The following CNTNAP3 variants were observed in gnomAD, a reference collection of about 807,000 sequenced individuals.
CNTNAP3 encodes the protein contactin associated protein family member 3, also known as contactin-associated protein-like 3.
Under a neutral mutation model 92.1 loss-of-function variants are expected in CNTNAP3, and 36 were observed. The ratio of observed to expected loss-of-function variants is 0.39; its 90% confidence interval spans 0.30 to 0.52. CNTNAP3 has a LOEUF of 0.52. Among genes scored for constraint, CNTNAP3 ranks in the 20% least tolerant of loss-of-function variants. The pLI, the probability that CNTNAP3 is intolerant of heterozygous loss-of-function variation, is 0.76. For synonymous variants in CNTNAP3, 232 were observed against 422.3 expected (o/e 0.55, Z 5.53); for missense variants, 534 against 1,069.6 (o/e 0.50, Z 6.98).
intron 14 of CNTNAP3, among the ~76,000 whole-genome samples, chr9:39,112,552 G>C (rs1820732840): frequency 6.6e-6 from 1 of 152,076 alleles, no homozygotes; most frequent in Admixed American, 6.6e-5. Context: ...TTTTAGTATA[G>C]ACGGGGTTTC....
chr9:39,107,860 G>T (rs568909960), intron 15 of CNTNAP3, among the ~76,000 whole-genome samples: 2 of 151,962 alleles, frequency 1.3e-5, no homozygotes, highest in African/African-American at 4.8e-5. Flanking sequence ...AGAATATTTC[G>T]GTCAAAATAA....
intron 12 of CNTNAP3, among the ~76,000 whole-genome samples, chr9:39,138,602 TGAG>T (rs1387085312): frequency 6.6e-6 from 1 of 152,186 alleles, no homozygotes; most frequent in Non-Finnish European, 1.5e-5. Flanking sequence ...TCTGGAAGCA[TGAG>T]GAGATTTTTC....
intron 2 of CNTNAP3, among the ~76,000 whole-genome samples, chr9:39,249,264 TTAC>T (rs897347058): frequency 2.7e-5 from 1 of 37,634 alleles, no homozygotes; most frequent in African/African-American, 4.7e-5. Context: ...AATCAGATCG[TTAC>T]TACTACATAA....
intron 19 of CNTNAP3, 58 bp downstream of exon 19, chr9:39,088,365 T>C (rs1238558912): frequency 7.9e-7 from 1 of 1,262,196 alleles, no homozygotes; most frequent in African/African-American, 1.5e-5. Context: ...ACCCATGTCA[T>C]TACAGTCCTA....
rs1408840276 is a variant in CNTNAP3, at chr9:39,065,332, A to C, written c.*8558T>G. On this transcript the variant is annotated 3_prime_UTR_variant, in exon 24 of 24. Transcript: ENST00000297668. ...AGTTTTGTCCATTTTATAGCTGAAG[A>C]GTATTTCATTATTAATACAACACAA... is the stretch of plus-strand genomic sequence containing the variant. 5.9e-5 allele frequency among the ~76,000 whole-genome samples: 9 copies of C among 152,278 alleles called. No homozygotes were observed.
At chr9:39,118,773 G>C (rs1394399492) in intron 13 of CNTNAP3, among the ~76,000 whole-genome samples, 2 of 152,192 alleles carry the variant, frequency 1.3e-5, no homozygotes, top group Non-Finnish European at 2.9e-5. Flanking sequence ...TATTGCATTG[G>C]ATGTCCTGAC....
chr9:39,144,095 T>C, intron 11 of CNTNAP3, 145 bp downstream of exon 11: 1 of 1,409,754 alleles, frequency 7.1e-7, no homozygotes, highest in Non-Finnish European at 9.4e-7. Context: ...ATAAGGTGGA[T>C]TAAAAGTAAA....
At position 39,118,106 on chromosome 9, in the gene CNTNAP3, T is replaced by G. The variant is rs552251057; in HGVS notation, c.2234A>C (p.Glu745Ala). ...YYCNCDAGRN[E>A]WTSDTIVLSQ... ...AGGGAAATCATGTGGAAATCACCATTCATTCCGGCCAGCATCACAGTTGCA... is the reference window on the plus strand; with the variant it reads ...AGGGAAATCATGTGGAAATCACCATGCATTCCGGCCAGCATCACAGTTGCA... Residue 745 changes from glutamate (E) to alanine (A), a missense_variant, in exon 14 of 24, where the codon GAA becomes GCA. Glu to Ala is a moderately radical substitution (Grantham distance 107, BLOSUM62 -1). Coordinates refer to ENST00000297668, the MANE Select transcript of CNTNAP3 (RefSeq NM_033655.5). 22 of 1,604,858 alleles carry G rather than the reference T, an allele frequency of 1.4e-5. No individual in the cohort carries two copies. The African/African-American group carries it at 2.9e-4, about 21-fold the overall frequency.
At chr9:39,133,899 G>A (rs1563888477) in intron 12 of CNTNAP3, among the ~76,000 whole-genome samples, 1 of 152,064 alleles carries the variant, frequency 6.6e-6, no homozygotes, top group South Asian at 2.1e-4. Context: ...GGTGCTGTCT[G>A]GTCCTTTAAC....
At position 39,069,146 on chromosome 9, in the gene CNTNAP3, A is replaced by T. The variant is rs1483253779; in HGVS notation, c.*4744T>A. On this transcript the variant is annotated 3_prime_UTR_variant, in exon 24 of 24. Transcript: ENST00000297668. ...AGATGAACATTGTAGATTGGAGCATATTATGGGAGCAAGGCAACCTGTAGA... is the reference window on the plus strand; with the variant it reads ...AGATGAACATTGTAGATTGGAGCATTTTATGGGAGCAAGGCAACCTGTAGA... 1.3e-5 allele frequency among the ~76,000 whole-genome samples: 2 copies of T among 151,880 alleles called. No homozygotes were observed. Among genetic ancestry groups the T allele is most frequent in the Non-Finnish European group, 2.9e-5 (2 of 68,036 alleles).
intron 13 of CNTNAP3, among the ~76,000 whole-genome samples, chr9:39,118,546 T>A (rs1021046048): frequency 6.6e-6 from 1 of 152,090 alleles, no homozygotes; most frequent in Non-Finnish European, 1.5e-5. Flanking sequence ...GAAATAACAT[T>A]CAAAAAAATT....
intron 14 of CNTNAP3, among the ~76,000 whole-genome samples, chr9:39,117,241 C>T (rs1820880886): frequency 6.6e-6 from 1 of 152,074 alleles, no homozygotes; most frequent in Non-Finnish European, 1.5e-5. Flanking sequence ...ATCCACCTGC[C>T]TTGGCCTCCC....
At position 39,071,223 on chromosome 9, in the gene CNTNAP3, T is replaced by C. The variant is rs1265037243; in HGVS notation, c.*2667A>G. ...AATTTACTGTGACTTTTCACAGTAA[T>C]AGAGACAGAGTAATAGAGACACGGG... On this transcript the variant is annotated 3_prime_UTR_variant, in exon 24 of 24. Coordinates refer to ENST00000297668, the MANE Select transcript of CNTNAP3 (RefSeq NM_033655.5). 7.8e-6 allele frequency among the ~76,000 whole-genome samples: 1 copy of C among 127,460 alleles called. No individual in the cohort carries two copies. The highest frequency in any genetic ancestry group is 1.5e-5 in the Non-Finnish European group (1 of 66,004). 83.6% of individuals were successfully genotyped at this position (127,460 alleles called of 152,430 possible). A position where few individuals can be genotyped will look rare whatever the true frequency, so the allele number is the denominator to read the frequency against.
intron 12 of CNTNAP3, among the ~76,000 whole-genome samples, chr9:39,135,604 CA>C (rs1440654293): frequency 6.6e-6 from 1 of 152,150 alleles, no homozygotes; most frequent in African/African-American, 2.4e-5. Context: ...AGATGTTCCT[CA>C]ATTTATGATG....
At chr9:39,153,938 C>T (rs538168078) in intron 9 of CNTNAP3, 1 of 189,252 alleles carries the variant, frequency 5.3e-6, no homozygotes, top group Non-Finnish European at 1.1e-5. Context: ...CTCAAGGTTT[C>T]TTTGGTGCAA....
Position 39,254,373 on chromosome 9 carries a change from G to A in CNTNAP3, c.196+12523C>T, listed in dbSNP as rs1311684966. Among the ~76,000 whole-genome samples the A allele has an allele frequency of 1.8e-4, 4 of 22,648 alleles. 2 individuals carry two copies. The highest frequency in any genetic ancestry group is 1.6e-3 in the Admixed American group (2 of 1,258). 14.9% of individuals were successfully genotyped at this position (22,648 alleles called of 152,430 possible). ...CAAAGAATTATCAGCATCATTTTCC[G>A]TTTTTTCAATCTGAACCAAAGGGAG... On this transcript the variant is annotated intron_variant, in intron 2 of 23. Coordinates refer to ENST00000297668, the MANE Select transcript of CNTNAP3 (RefSeq NM_033655.5).
At chr9:39,119,967 T>C (rs532889658) in intron 13 of CNTNAP3, among the ~76,000 whole-genome samples, 27 of 152,058 alleles carry the variant, frequency 1.8e-4, no homozygotes, top group South Asian at 8.3e-4. Context: ...AACTGAGCCA[T>C]AGGGTCCTAT....
rs1434985886 is a variant in CNTNAP3 at position 39,067,380 on chromosome 9, A to G, written c.*6510T>C. Among the ~76,000 whole-genome samples the G allele has an allele frequency of 6.6e-6, 1 of 152,310 alleles. No individual in the cohort carries two copies. The highest frequency in any genetic ancestry group is 2.4e-5 in the African/African-American group (1 of 41,488). On this transcript the variant is annotated 3_prime_UTR_variant, in exon 24 of 24. Coordinates refer to ENST00000297668, the MANE Select transcript of CNTNAP3 (RefSeq NM_033655.5). ...GGTAATTTTTTATTGTATACCAGACATTGTGATTTTACCTCGTTGGGTGTT... is the reference window on the plus strand; with the variant it reads ...GGTAATTTTTTATTGTATACCAGACGTTGTGATTTTACCTCGTTGGGTGTT...
chr9:39,135,740 G>C (rs1282982512), intron 12 of CNTNAP3, among the ~76,000 whole-genome samples: 5 of 152,074 alleles, frequency 3.3e-5, no homozygotes, highest in Non-Finnish European at 5.9e-5. Flanking sequence ...CTACAGTTGG[G>C]CAAAATCATC....
Sources: gnomAD v4.1 joint callset for allele counts (sites outside exome capture counted in the v4.1 genomes callset) on GRCh38, gnomAD v4.1.1 for gene constraint, MANE v1.5 for transcripts, NCBI Gene and HGNC (gene_info 2026-07-23, HGNC 2026-07-21) for gene names.